KIAA0930: variants seen among roughly 807,000 people sequenced by gnomAD.
KIAA0930 encodes the protein KIAA0930.
KIAA0930 carries 24 observed loss-of-function variants against 43.9 expected under a neutral mutation model. The ratio of observed to expected loss-of-function variants is 0.55; its 90% CI spans 0.40 to 0.77. The LOEUF (loss-of-function observed/expected upper bound fraction) is 0.77, where lower values mean the gene tolerates loss of function less well. KIAA0930 is among the 30% of genes least tolerant of loss of function. The probability of loss-of-function intolerance (pLI) is 0.00; values close to 1 mark genes in which losing one functional copy is unlikely to be tolerated. For missense variants in KIAA0930, 461 were observed against 574.2 expected (o/e 0.80, Z 2.02); for synonymous variants, 259 against 216.4 (o/e 1.20, Z -1.73).
intron 9 of KIAA0930, 139 bp downstream of exon 9, chr22:45,197,651 G>A: frequency 1.2e-6 from 1 of 820,480 alleles, no homozygotes; most frequent in Non-Finnish European, 2.0e-6. Context: ...AGACAAAGAG[G>A]CCAAGAGCCC....
At position 45,196,192 on chromosome 22, in the gene KIAA0930, C is replaced by G. The variant is rs1335535898; in HGVS notation, c.*984G>C. On this transcript the variant is annotated 3_prime_UTR_variant, in exon 10 of 10. Coordinates refer to ENST00000336156, the MANE Select transcript of KIAA0930 (RefSeq NM_001009880.2). The surrounding 1 kb of genome is among the most constrained non-coding windows in gnomAD (Gnocchi z 4.1). Reference sequence around the variant, plus strand: ...CTGCTCACACGAACCAATGGGGGTGCCCATGTGAGCCTCTGAGCAACTCCT... The same window carrying G: ...CTGCTCACACGAACCAATGGGGGTGGCCATGTGAGCCTCTGAGCAACTCCT... 1.3e-5 allele frequency: 2 copies of G among 152,240 alleles called. No individual in the cohort carries two copies. Among genetic ancestry groups the G allele is most frequent in the African/African-American group, 4.8e-5 (2 of 41,422 alleles). The allele number at this position is 152,240 out of a possible 1,614,324, so 9.4% of individuals were successfully genotyped here.
intron 1 of KIAA0930, among the ~76,000 whole-genome samples, chr22:45,226,550 C>T (rs946344250): frequency 1.3e-5 from 2 of 152,106 alleles, no homozygotes; most frequent in African/African-American, 4.8e-5. Flanking sequence ...CCGCCCCGAC[C>T]CCACAGCTGT....
At chr22:45,221,910 T>C (rs1376944912) in intron 1 of KIAA0930, among the ~76,000 whole-genome samples, 1 of 152,190 alleles carries the variant, frequency 6.6e-6, no homozygotes, top group Non-Finnish European at 1.5e-5. Context: ...AATTTTTCTA[T>C]TTTAGTAGAG....
Position 45,205,309 on chromosome 22 carries a change from C to A in KIAA0930, c.424G>T (p.Ala142Ser). Reference protein sequence around the residue: ...IHKKKSQQVFASPSKHPMDSK... With the variant: ...IHKKKSQQVFSSPSKHPMDSK... ...TCCATGGGGTGTTTACTGGGGGACGCGAACACTTGCTGGAAGAAAGCAGAT... is the reference window on the plus strand; with the variant it reads ...TCCATGGGGTGTTTACTGGGGGACGAGAACACTTGCTGGAAGAAAGCAGAT... Residue 142 changes from alanine to serine, a missense_variant, in exon 5 of 10, where the codon GCG (alanine) becomes TCG (serine). Coordinates refer to ENST00000336156, the MANE Select transcript of KIAA0930 (RefSeq NM_001009880.2). 2 of 1,613,700 alleles carry A rather than the reference C, an allele frequency of 1.2e-6. No individual in the cohort carries two copies. Among genetic ancestry groups the A allele is most frequent in the African/African-American group, 1.3e-5 (1 of 75,006 alleles).
intron 5 of KIAA0930, among the ~76,000 whole-genome samples, chr22:45,205,013 G>A (rs1260877709): frequency 3.9e-5 from 6 of 152,174 alleles, no homozygotes; most frequent in Admixed American, 3.3e-4. Flanking sequence ...TTTTACAGAG[G>A]AGGAAACGGA....
chr22:45,235,727 G>A (rs917289418), intron 1 of KIAA0930, among the ~76,000 whole-genome samples: 47 of 152,320 alleles, frequency 3.1e-4, no homozygotes, highest in African/African-American at 1.1e-3. Flanking sequence ...TACCTGCCAC[G>A]TCTCATTTAC....
chr22:45,199,530 C>G (rs1001499579), intron 8 of KIAA0930, among the ~76,000 whole-genome samples: 2 of 152,222 alleles, frequency 1.3e-5, no homozygotes, highest in African/African-American at 2.4e-5. Flanking sequence ...CCCGTGTGTG[C>G]GGAGCCATCA....
chr22:45,208,715 G>A (rs923257803), intron 2 of KIAA0930, among the ~76,000 whole-genome samples: 1 of 152,200 alleles, frequency 6.6e-6, no homozygotes, highest in Non-Finnish European at 1.5e-5. Context: ...GTACACGTCT[G>A]TGTTTTTCTG....
chr22:45,199,016 T>G (rs1198449808), intron 8 of KIAA0930, among the ~76,000 whole-genome samples: 1 of 152,118 alleles, frequency 6.6e-6, no homozygotes, highest in Non-Finnish European at 1.5e-5. Context: ...CGCTGGGTCC[T>G]GAGGATGACA....
Position 45,197,199 on chromosome 22 carries a change from G to C in KIAA0930, c.1192C>G (p.Gln398Glu). 1 of 1,550,482 alleles carries C rather than the reference G, an allele frequency of 6.4e-7. No homozygotes were observed. The highest frequency in any genetic ancestry group is 1.2e-5 in the South Asian group (1 of 83,840). Residue 398 changes from glutamine to glutamate, a missense_variant, in exon 10 of 10, where the codon CAG becomes GAG. Physicochemically the swap from Gln to Glu is conservative, Grantham distance 29. Transcript: ENST00000336156. Reference sequence around the variant, plus strand: ...GGCTAGGTCATCAGGATGGGCTTCTGCCGAACTTCCAGGATGTCTAGGGCC... The same window carrying C: ...GGCTAGGTCATCAGGATGGGCTTCTCCCGAACTTCCAGGATGTCTAGGGCC... ...RILTDILEVR[Q>E]KPILMT
At chr22:45,228,743 T>TCACCCGAAAGATCCCTCTCCACCCCCCA (rs2083820799) in intron 1 of KIAA0930, among the ~76,000 whole-genome samples, 1 of 11,190 alleles carries the variant, frequency 8.9e-5, no homozygotes, top group Non-Finnish European at 1.5e-4. Flanking sequence ...TCCACCCCCC[T>TCACCCGAAAGATCCCTCTCCACCCCCCA]ACCACCACTC....
At chr22:45,198,370 G>A (rs952245249) in intron 8 of KIAA0930, among the ~76,000 whole-genome samples, 1 of 152,248 alleles carries the variant, frequency 6.6e-6, no homozygotes, top group Non-Finnish European at 1.5e-5. Context: ...CAGGCTGGGG[G>A]AACCTGCCCC....
At chr22:45,218,470 C>A (rs983588566) in intron 1 of KIAA0930, among the ~76,000 whole-genome samples, 1 of 150,638 alleles carries the variant, frequency 6.6e-6, no homozygotes, top group African/African-American at 2.4e-5. Context: ...AGGTGTGAGC[C>A]ACTACGCTCG....
Position 45,197,925 on chromosome 22 carries a change from G to A in KIAA0930, c.1039C>T (p.Leu347=), listed in dbSNP as rs749795072. The change falls in exon 9 of 10, where the codon CTG becomes TTG. Residue 347 remains leucine (L), a synonymous_variant. Coordinates refer to ENST00000336156, the MANE Select transcript of KIAA0930 (RefSeq NM_001009880.2). ...GGADLHNATN[L]RSRSLSGTGR... is the part of the protein sequence containing the mutation. ...GTGCCCGACAGGGACCGAGACCGCAGGTTGGTTGCATTGTGCAGATCGGCT... is the reference window on the plus strand; with the variant it reads ...GTGCCCGACAGGGACCGAGACCGCAAGTTGGTTGCATTGTGCAGATCGGCT... 1.9e-6 allele frequency: 3 copies of A among 1,614,188 alleles called. No individual in the cohort carries two copies. In the Admixed American group the frequency reaches 5.0e-5, roughly 27 times the overall value.
chr22:45,197,983 G>C (rs373746209), intron 8 of KIAA0930, 35 bp from the exon 9 acceptor site: 3 of 1,609,648 alleles, frequency 1.9e-6, no homozygotes, highest in African/African-American at 2.7e-5. Flanking sequence ...GGCCCCCACA[G>C]CATGGGACGC....
At chr22:45,239,484 A>T (rs745869455) in intron 1 of KIAA0930, among the ~76,000 whole-genome samples, 8 of 152,140 alleles carry the variant, frequency 5.3e-5, no homozygotes, top group Non-Finnish European at 1.0e-4. Flanking sequence ...TGGGCAGGCT[A>T]GGCTGGGGCC....
chr22:45,229,039 A>AT (rs201767505), intron 1 of KIAA0930, among the ~76,000 whole-genome samples: 2 of 18,076 alleles, frequency 1.1e-4, no homozygotes, highest in Non-Finnish European at 9.2e-5. Flanking sequence ...ATCCCTCTCC[A>AT]CCCCCCCACC....
At chr22:45,197,582 A>G (rs2083548657) in intron 9 of KIAA0930, among the ~76,000 whole-genome samples, 1 of 152,208 alleles carries the variant, frequency 6.6e-6, no homozygotes, top group Admixed American at 6.5e-5. Context: ...GGTGCGCCAG[A>G]AAGGTGAACA....
chr22:45,235,553 AGT>A (rs2083883135), intron 1 of KIAA0930: 1 of 152,088 alleles, frequency 6.6e-6, no homozygotes, highest in Admixed American at 6.5e-5. Context: ...GGCCCCAAGG[AGT>A]GCAGGGAGAG....
Sources: allele counts gnomAD v4.1 joint callset (sites outside exome capture counted in the v4.1 genomes callset), GRCh38; gene constraint gnomAD v4.1.1; non-coding constraint Gnocchi (gnomAD v3.1); transcripts MANE v1.5; gene names NCBI Gene and HGNC (gene_info 2026-07-23, HGNC 2026-07-21).